CDH23: variants seen among roughly 807,000 people sequenced by gnomAD.
CDH23 encodes the protein cadherin related 23.
Under a neutral mutation model 317.1 loss-of-function variants are expected in CDH23, and 189 were observed. The observed-to-expected ratio is 0.60, with a 90% CI of 0.53 to 0.67. The LOEUF is 0.67. Ranked by LOEUF, CDH23 falls within the 30% of genes least tolerant of loss-of-function variation. The probability of loss-of-function intolerance (pLI) is 0.00; values close to 1 mark genes in which losing one functional copy is unlikely to be tolerated. For missense variants in CDH23, 4,401 were observed against 4,592.4 expected (o/e 0.96, Z 1.20); for synonymous variants, 1,839 against 1,876.8 (o/e 0.98, Z 0.52).
chr10:71,707,177 C>T lies in CDH23; in HGVS notation c.3106+128C>T, dbSNP rs1166249079. ...AAGAGGTCAGGGCTCTACTGTTGGG[C>T]TTTAGCCTCTGGTGGTGCCTCCCGA... On this transcript the variant is annotated intron_variant, in intron 26 of 69. Transcript: ENST00000224721. The T allele has an allele frequency of 2.6e-6, 4 of 1,530,570 alleles. No homozygotes were observed. In the East Asian group the frequency reaches 7.4e-5, roughly 28 times the overall value. 94.8% of individuals were successfully genotyped at this position (1,530,570 alleles called of 1,614,324 possible). A position where few individuals can be genotyped will look rare whatever the true frequency, so the allele number is the denominator to read the frequency against.
chr10:71,645,954 G>A lies in CDH23; in HGVS notation c.1264G>A (p.Glu422Lys), dbSNP rs751486021. 4.3e-6 allele frequency: 7 copies of A among 1,613,292 alleles called. No homozygotes were observed. The highest frequency in any genetic ancestry group is 2.7e-5 in the African/African-American group (2 of 74,892). ...TCGGGTGGCCATCCCACTGGACTAC[G>A]AGACCGTGGACCGCTACGACTTTGA... ...RIRVAIPLDYETVDRYDFDLF... is the reference protein window; with the variant it reads ...RIRVAIPLDYKTVDRYDFDLF... Residue 422 changes from glutamate to lysine, a missense_variant, in exon 13 of 70, where the codon GAG (glutamate) becomes AAG (lysine). By Grantham distance (56) the Glu-to-Lys change is moderately conservative. Coordinates refer to ENST00000224721, the MANE Select transcript of CDH23 (RefSeq NM_022124.6).
chr10:71,814,565 C>T (rs566076496), intron 69 of CDH23, among the ~76,000 whole-genome samples: 26 of 152,160 alleles, frequency 1.7e-4, no homozygotes, highest in Non-Finnish European at 2.5e-4. Context: ...AGGCTGAGGC[C>T]GGAGAATCAC....
intron 6 of CDH23, among the ~76,000 whole-genome samples, chr10:71,538,788 G>C (rs772984303): frequency 6.6e-6 from 1 of 152,174 alleles, no homozygotes; most frequent in Non-Finnish European, 1.5e-5. Context: ...AGGTGCTTTT[G>C]CCTGCCCTAC....
intron 3 of CDH23, among the ~76,000 whole-genome samples, chr10:71,457,509 G>T (rs1850753453): frequency 6.6e-6 from 1 of 152,146 alleles, no homozygotes; most frequent in African/African-American, 2.4e-5. Context: ...ATTGTGTAGG[G>T]TCTTTCCTCA....
chr10:71,404,251 T>C (rs1308073520), intron 1 of CDH23, among the ~76,000 whole-genome samples: 1 of 152,230 alleles, frequency 6.6e-6, no homozygotes, highest in Non-Finnish European at 1.5e-5. Context: ...TGGCAGGCTC[T>C]CTTATGCCCC....
chr10:71,739,128 G>A (rs1375365399), intron 35 of CDH23, among the ~76,000 whole-genome samples: 1 of 152,204 alleles, frequency 6.6e-6, no homozygotes, highest in Non-Finnish European at 1.5e-5. Context: ...AGCATGGCTT[G>A]CATGGTCTAG....
chr10:71,502,441 T>C (rs932934691), intron 3 of CDH23, among the ~76,000 whole-genome samples: 1 of 152,208 alleles, frequency 6.6e-6, no homozygotes, highest in Admixed American at 6.5e-5. Flanking sequence ...GCTAGCTCCC[T>C]GGCCCTAGAA....
chr10:71,737,232 C>T (rs1839592119), intron 34 of CDH23, among the ~76,000 whole-genome samples: 1 of 152,194 alleles, frequency 6.6e-6, no homozygotes, highest in Non-Finnish European at 1.5e-5. Flanking sequence ...TCATGAATGT[C>T]TGCCAGGCAG....
intron 57 of CDH23, 75 bp from the exon 58 acceptor site, chr10:71,807,202 C>A: frequency 5.1e-6 from 8 of 1,566,766 alleles, no homozygotes; most frequent in East Asian, 2.3e-5. Context: ...AGTCACTGCC[C>A]AGGGCCCTGA....
rs369713078 is a variant in CDH23 at position 71,814,973 on chromosome 10, G to A, written c.9760G>A (p.Glu3254Lys). Residue 3254 changes from glutamate to lysine, a missense_variant, in exon 70 of 70, where the codon GAG becomes AAG. Around this residue, in one of 3 missense-constraint regions of CDH23, gnomAD observed 1,144 missense variants for 1,138.2 expected, o/e 1.01. Coordinates refer to ENST00000224721, the MANE Select transcript of CDH23 (RefSeq NM_022124.6). ...GCAGCTGATACAGACTGAGCTGGAC[G>A]AGGAGCCAGGAGACCACAGCCCAGG... ...ISELIQTELDEEPGDHSPGQG... is the reference protein window; with the variant it reads ...ISELIQTELDKEPGDHSPGQG... The A allele has an allele frequency of 2.2e-5, 35 of 1,611,920 alleles. No individual in the cohort carries two copies. The highest frequency in any genetic ancestry group is 1.6e-4 in the Middle Eastern group (1 of 6,074).
intron 38 of CDH23, among the ~76,000 whole-genome samples, chr10:71,776,319 G>T (rs10762478): frequency 0.99 from 151,065 of 152,260 alleles, 74,994 homozygotes; most frequent in Middle Eastern, 1. Flanking sequence ...CATTCTTCCA[G>T]TGGTAGCTCC....
At chr10:71,469,510 A>C (rs1053652087) in intron 3 of CDH23, among the ~76,000 whole-genome samples, 4 of 152,218 alleles carry the variant, frequency 2.6e-5, no homozygotes, top group Non-Finnish European at 5.9e-5. Flanking sequence ...CCATTGTAAA[A>C]GCTATATCAC....
rs190087532 is a variant in CDH23 at position 71,446,548 on chromosome 10, G to T, written c.145+153G>T. Among the ~76,000 whole-genome samples, 15 of 152,212 alleles carry T rather than the reference G, an allele frequency of 9.9e-5. No homozygotes were observed. In the East Asian group the frequency reaches 2.5e-3, roughly 26 times the overall value. On this transcript the variant is annotated intron_variant, in intron 3 of 69. Transcript: ENST00000224721. The stretch of plus-strand genomic sequence containing the variant: ...AAGGCCCCTGCTAGGATGCCTCCAG[G>T]GACAGGGCACTCAGTCCCACAGAGG...
At chr10:71,772,395 G>T (rs1351793254) in intron 38 of CDH23, among the ~76,000 whole-genome samples, 4 of 152,084 alleles carry the variant, frequency 2.6e-5, no homozygotes, top group Non-Finnish European at 2.9e-5. Context: ...ACTTTCCCTG[G>T]GCCCTCCCTA....
At chr10:71,541,051 C>T (rs1320978565) in intron 6 of CDH23, among the ~76,000 whole-genome samples, 2 of 152,090 alleles carry the variant, frequency 1.3e-5, no homozygotes, top group Non-Finnish European at 2.9e-5. Flanking sequence ...CCCAGCGTCC[C>T]TTGCACATGC....
intron 14 of CDH23, among the ~76,000 whole-genome samples, chr10:71,657,676 C>G (rs1004238244): frequency 1.3e-5 from 2 of 152,162 alleles, no homozygotes; most frequent in African/African-American, 4.8e-5. Context: ...AGAGCCTGCT[C>G]AGCTCTTCCA....
intron 55 of CDH23, among the ~76,000 whole-genome samples, chr10:71,805,429 G>A (rs1841682488): frequency 6.6e-6 from 1 of 152,224 alleles, no homozygotes. Context: ...ACTGATACAG[G>A]ACGAAGGGTG....
chr10:71,479,026 C>T (rs189236208), intron 3 of CDH23, among the ~76,000 whole-genome samples: 1 of 152,254 alleles, frequency 6.6e-6, no homozygotes, highest in Non-Finnish European at 1.5e-5. Flanking sequence ...CGAGTGTCCA[C>T]TTCAAGGAGG....
chr10:71,614,649 A>T (rs1861086844), intron 9 of CDH23, among the ~76,000 whole-genome samples: 1 of 152,226 alleles, frequency 6.6e-6, no homozygotes, highest in Non-Finnish European at 1.5e-5. Context: ...GGGACCAGAA[A>T]GGGCCAGCTA....
Sources: gnomAD v4.1 joint callset for allele counts (sites outside exome capture counted in the v4.1 genomes callset) on GRCh38, gnomAD v4.1.1 for gene constraint, gnomAD v4.1.1 regional missense constraint, MANE v1.5 for transcripts, NCBI Gene and HGNC (gene_info 2026-07-23, HGNC 2026-07-21) for gene names.